Variants in DLGAP2 observed in about 807,000 individuals in gnomAD.
DLGAP2 encodes disks large-associated protein 2.
In DLGAP2, 26 loss-of-function variants were observed where a neutral mutation model predicts 100.3. The observed-to-expected ratio is 0.26, with a 90% CI of 0.19 to 0.36. The LOEUF (loss-of-function observed/expected upper bound fraction) is 0.36, where lower values mean the gene tolerates loss of function less well. Among genes scored for constraint, DLGAP2 ranks in the 10% least tolerant of loss-of-function variants. The pLI is 1.00. For synonymous variants in DLGAP2, 886 were observed against 630.1 expected (o/e 1.41, Z -6.08); for missense variants, 1,858 against 1,453.2 (o/e 1.28, Z -4.53).
chr8:1,447,516 A>G (rs927759343), intron 3 of DLGAP2, among the ~76,000 whole-genome samples: 12 of 152,220 alleles, frequency 7.9e-5, no homozygotes, highest in African/African-American at 2.4e-4. Context: ...TTTTGCATCA[A>G]TGCTCATCAA....
intron 6 of DLGAP2, among the ~76,000 whole-genome samples, chr8:1,566,424 A>G (rs1177305928): frequency 2.0e-5 from 3 of 152,246 alleles, no homozygotes; most frequent in Non-Finnish European, 2.9e-5. Flanking sequence ...TTGAAAATAT[A>G]GACAGATAAA....
intron 12 of DLGAP2, among the ~76,000 whole-genome samples, chr8:1,679,696 T>G (rs559358764): frequency 6.6e-6 from 1 of 152,314 alleles, no homozygotes; most frequent in South Asian, 2.1e-4. Flanking sequence ...ATCAAGACCG[T>G]TCAGGCCAGG....
chr8:1,017,593 TGTGTGACCAGGACAGACGGC>T (rs1801499955), intron 2 of DLGAP2, among the ~76,000 whole-genome samples: 1 of 142,568 alleles, frequency 7.0e-6, no homozygotes, highest in African/African-American at 2.5e-5. Flanking sequence ...GCCTCCACTG[TGTGTGACCAGGACAGACGGC>T]GCCTCCACTG....
chr8:1,188,477 T>C (rs6651432), intron 2 of DLGAP2, among the ~76,000 whole-genome samples: 1,160 of 82,776 alleles, frequency 0.014, 210 homozygotes, highest in African/African-American at 0.088. Context: ...CGCCCGGGAC[T>C]TCCGTGACGT....
rs145780369 is a variant in DLGAP2 at position 1,335,056 on chromosome 8, C to G, written c.106+76173C>G. 2.5e-3 allele frequency among the ~76,000 whole-genome samples: 387 copies of G among 152,292 alleles called. 4 individuals carry two copies. Among genetic ancestry groups the G allele is most frequent in the South Asian group, 0.014 (69 of 4,822 alleles). On this transcript the variant is annotated intron_variant, in intron 3 of 14. Coordinates refer to ENST00000637795, the MANE Select transcript of DLGAP2 (RefSeq NM_001346810.2). Reference sequence around the variant, plus strand: ...GCTGTTGCTGCATTGTCTAGAAATTCAGGGCAAACCATAGTTCTAGGAACC... The same window carrying G: ...GCTGTTGCTGCATTGTCTAGAAATTGAGGGCAAACCATAGTTCTAGGAACC...
chr8:1,407,283 C>T (rs375324528), intron 3 of DLGAP2, among the ~76,000 whole-genome samples: 103 of 3,436 alleles, frequency 0.03, 8 homozygotes, highest in Admixed American at 0.1. Flanking sequence ...GCCACCTCCT[C>T]ATCCTCCAGA....
chr8:1,485,225 G>A (rs919314192), intron 3 of DLGAP2, among the ~76,000 whole-genome samples: 2 of 152,080 alleles, frequency 1.3e-5, no homozygotes, highest in African/African-American at 4.8e-5. Context: ...ATTATGATAC[G>A]CTTTTTTTGT....
At chr8:1,255,215 A>ATC (rs1799167136) in intron 2 of DLGAP2, among the ~76,000 whole-genome samples, 1 of 42,636 alleles carries the variant, frequency 2.3e-5, no homozygotes. Flanking sequence ...GTGCCCTCTC[A>ATC]TCCTGCCTGG....
intron 2 of DLGAP2, among the ~76,000 whole-genome samples, chr8:958,454 C>G (rs982308638): frequency 6.6e-6 from 1 of 151,982 alleles, no homozygotes; most frequent in Non-Finnish European, 1.5e-5. Context: ...TATGGTGATT[C>G]TGGTTTTCAT....
chr8:1,165,393 G>A (rs947043868), intron 2 of DLGAP2, among the ~76,000 whole-genome samples: 5 of 152,328 alleles, frequency 3.3e-5, no homozygotes, highest in South Asian at 2.1e-4. Flanking sequence ...AGCCGGGCTC[G>A]GGTCTTAGGG....
intron 3 of DLGAP2, among the ~76,000 whole-genome samples, chr8:1,285,382 A>C (rs1799901093): frequency 6.6e-6 from 1 of 152,260 alleles, no homozygotes; most frequent in African/African-American, 2.4e-5. Context: ...ACTTCAAAAA[A>C]GACACTAACA....
chr8:1,318,829 A>G (rs543037246), intron 3 of DLGAP2, among the ~76,000 whole-genome samples: 2 of 110,002 alleles, frequency 1.8e-5, no homozygotes, highest in Admixed American at 1.2e-4. Context: ...GTGTTCCCCA[A>G]CAGCTGCCGG....
chr8:1,256,189 G>A (rs1320786426), intron 2 of DLGAP2, among the ~76,000 whole-genome samples: 3 of 124,852 alleles, frequency 2.4e-5, no homozygotes, highest in South Asian at 2.9e-4. Flanking sequence ...CCTGGGTGCT[G>A]TGTGTGTCCT....
rs538089547 is a variant in DLGAP2 at position 1,329,592 on chromosome 8, C to G, written c.106+70709C>G. 7.2e-5 allele frequency among the ~76,000 whole-genome samples: 11 copies of G among 152,270 alleles called. No homozygotes were observed. In the East Asian group the frequency reaches 2.1e-3, roughly 29 times the overall value. On this transcript the variant is annotated intron_variant, in intron 3 of 14. Transcript: ENST00000637795. ...TTCGGTAGATGCTTACTGACTACTC[C>G]GTCCTGGTTCTGTGCCGGGTCCTGG...
At chr8:870,461 G>A (rs1480632049) in intron 1 of DLGAP2, among the ~76,000 whole-genome samples, 1 of 152,068 alleles carries the variant, frequency 6.6e-6, no homozygotes, top group Non-Finnish European at 1.5e-5. Context: ...TGGCACCCCG[G>A]CTTGAAAACC....
intron 2 of DLGAP2, among the ~76,000 whole-genome samples, chr8:1,131,563 C>T (rs1411270672): frequency 6.6e-6 from 1 of 152,180 alleles, no homozygotes; most frequent in Non-Finnish European, 1.5e-5. Context: ...CTTACCGTCC[C>T]ACTGGAGGTT....
intron 2 of DLGAP2, among the ~76,000 whole-genome samples, chr8:1,107,432 G>A (rs1292897308): frequency 6.6e-6 from 1 of 152,196 alleles, no homozygotes; most frequent in African/African-American, 2.4e-5. Context: ...GGCGTCCAAA[G>A]GAAGCGTCTG....
intron 3 of DLGAP2, among the ~76,000 whole-genome samples, chr8:1,431,452 C>A (rs563190520): frequency 1.3e-5 from 2 of 152,302 alleles, no homozygotes; most frequent in Admixed American, 1.3e-4. Context: ...CAGGTAGACT[C>A]TACCCGTGGG....
chr8:1,361,125 C>G (rs570544701), intron 3 of DLGAP2, among the ~76,000 whole-genome samples: 1 of 152,216 alleles, frequency 6.6e-6, no homozygotes, highest in Non-Finnish European at 1.5e-5. Context: ...CTGAGATGGT[C>G]CTTGGTGGTG....
Sources: allele counts gnomAD v4.1 joint callset (sites outside exome capture counted in the v4.1 genomes callset), GRCh38; gene constraint gnomAD v4.1.1; transcripts MANE v1.5; gene names NCBI Gene and HGNC (gene_info 2026-07-23, HGNC 2026-07-21).